CYRIB: variants seen among roughly 807,000 people sequenced by gnomAD.
CYRIB encodes the protein CYFIP-related Rac1 interactor B.
A neutral mutation model predicts 44.2 loss-of-function variants in CYRIB; 8 were observed. That is an observed-to-expected ratio of 0.18 (90% CI 0.11 to 0.33). CYRIB has a LOEUF of 0.33. Among genes scored for constraint, CYRIB ranks in the 10% least tolerant of loss-of-function variants. The probability of loss-of-function intolerance (pLI) is 1.00; values close to 1 mark genes in which losing one functional copy is unlikely to be tolerated. For synonymous variants in CYRIB, 131 were observed against 127.2 expected, an observed-to-expected ratio of 1.03 and a Z score of -0.20; for missense variants, 185 against 382.8, an observed-to-expected ratio of 0.48 and a Z score of 4.31.
intron 1 of CYRIB, among the ~76,000 whole-genome samples, chr8:129,914,555 T>C (rs2079723216): frequency 6.6e-6 from 1 of 152,212 alleles, no homozygotes; most frequent in Non-Finnish European, 1.5e-5. Flanking sequence ...CACTCCACAC[T>C]GTACAACAGG....
intron 2 of CYRIB, among the ~76,000 whole-genome samples, chr8:129,970,323 CACAG>C (rs1415670197): frequency 6.6e-6 from 1 of 151,930 alleles, no homozygotes; most frequent in African/African-American, 2.4e-5. Context: ...AGTGCACTGT[CACAG>C]ACAGAGGGCA....
At chr8:129,969,031 T>TTTTTTTTTTTGG (rs2095593481) in intron 2 of CYRIB, among the ~76,000 whole-genome samples, 1 of 148,130 alleles carries the variant, frequency 6.8e-6, no homozygotes, top group African/African-American at 2.5e-5. Flanking sequence ...TTTTTTTTTT[T>TTTTTTTTTTTGG]GAGGTGGATT....
At chr8:129,932,655 T>C (rs1345932715) in intron 1 of CYRIB, among the ~76,000 whole-genome samples, 1 of 152,186 alleles carries the variant, frequency 6.6e-6, no homozygotes, top group African/African-American at 2.4e-5. Context: ...CATGAAAATA[T>C]GGCAGGATAA....
intron 2 of CYRIB, chr8:129,880,268 T>C (rs2060422069): frequency 2.1e-6 from 1 of 481,648 alleles, no homozygotes; most frequent in Non-Finnish European, 2.7e-6. Context: ...TTTGTTTGAT[T>C]CCCATGTTTA....
At chr8:129,998,268 C>T (rs1179434322) in intron 1 of CYRIB, among the ~76,000 whole-genome samples, 1 of 152,168 alleles carries the variant, frequency 6.6e-6, no homozygotes, top group Admixed American at 6.5e-5. Flanking sequence ...CAGCTTCTCA[C>T]ACACTACGTC....
intron 2 of CYRIB, chr8:129,894,582 A>T (rs2066976632): frequency 1.3e-5 from 2 of 152,242 alleles, no homozygotes; most frequent in Non-Finnish European, 2.9e-5. Flanking sequence ...GTGAGAAGAC[A>T]GGAGGAAGAG....
At chr8:129,884,450 G>A (rs936826794) in intron 2 of CYRIB, among the ~76,000 whole-genome samples, 4 of 151,994 alleles carry the variant, frequency 2.6e-5, no homozygotes, top group East Asian at 1.9e-4. Context: ...CACCACGCCC[G>A]GCTAATTTTG....
chr8:129,852,100 C>A, intron 8 of CYRIB, 62 bp downstream of exon 10: 1 of 994,260 alleles, frequency 1.0e-6, no homozygotes, highest in South Asian at 1.9e-5. Flanking sequence ...GGCTTGCTGA[C>A]ATCACGTCTG....
At chr8:129,893,213 A>G (rs932978746) in intron 2 of CYRIB, among the ~76,000 whole-genome samples, 3 of 152,194 alleles carry the variant, frequency 2.0e-5, no homozygotes, top group Non-Finnish European at 4.4e-5. Context: ...AGCCTCAGAT[A>G]CTTCTATATA....
chr8:129,925,864 A>T (rs2087369442), intron 1 of CYRIB, among the ~76,000 whole-genome samples: 1 of 152,168 alleles, frequency 6.6e-6, no homozygotes, highest in South Asian at 2.1e-4. Context: ...CCCTCCAACA[A>T]AGACAGAGGA....
intron 1 of CYRIB, among the ~76,000 whole-genome samples, chr8:129,996,080 C>T (rs2096757938): frequency 6.6e-6 from 1 of 152,230 alleles, no homozygotes; most frequent in Admixed American, 6.5e-5. Context: ...ACCATTTGCA[C>T]TGCACACTCC....
At chr8:129,862,168 T>C in intron 5 of CYRIB, 61 bp downstream of exon 7, 1 of 1,258,552 alleles carries the variant, frequency 7.9e-7, no homozygotes, top group Non-Finnish European at 1.2e-6. Context: ...ACTCTAAACT[T>C]CTGGAATGAA....
intron 1 of CYRIB, among the ~76,000 whole-genome samples, chr8:129,932,059 C>T (rs1232193525): frequency 2.1e-5 from 3 of 140,700 alleles, no homozygotes; most frequent in Non-Finnish European, 3.0e-5. Flanking sequence ...AGTGCAGTGG[C>T]GCAATCTCGG....
At chr8:129,889,825 G>A (rs567004122) in intron 2 of CYRIB, among the ~76,000 whole-genome samples, 2 of 150,602 alleles carry the variant, frequency 1.3e-5, no homozygotes, top group African/African-American at 4.9e-5. Context: ...TTGAGACAGA[G>A]TTTCCACCTT....
At chr8:129,980,655 C>T (rs996235008) in intron 1 of CYRIB, among the ~76,000 whole-genome samples, 8 of 150,938 alleles carry the variant, frequency 5.3e-5, no homozygotes, top group African/African-American at 2.0e-4. Context: ...CGGAGTGAGA[C>T]TCTGTCTCAA....
chr8:129,994,239 C>T (rs1435958284), intron 1 of CYRIB, among the ~76,000 whole-genome samples: 2 of 151,920 alleles, frequency 1.3e-5, no homozygotes, highest in South Asian at 2.1e-4. Context: ...AGCCAAGGTA[C>T]GCCAAAGACT....
chr8:129,840,984 TTAAG>T (rs2036031569), exon 12 of CYRIB: 1 of 152,224 alleles, frequency 6.6e-6, no homozygotes, highest in Admixed American at 6.5e-5. Flanking sequence ...TAGACAACCT[TTAAG>T]TAGTTTGTTC....
intron 1 of CYRIB, among the ~76,000 whole-genome samples, chr8:129,993,247 G>T (rs1295558133): frequency 6.6e-6 from 1 of 151,998 alleles, no homozygotes; most frequent in Non-Finnish European, 1.5e-5. Context: ...AAAAAAATTA[G>T]CTAGGTGTGG....
At chr8:129,974,019 T>C (rs1360716677) in intron 1 of CYRIB, among the ~76,000 whole-genome samples, 1 of 152,100 alleles carries the variant, frequency 6.6e-6, no homozygotes, top group Non-Finnish European at 1.5e-5. Flanking sequence ...ATGCCTGATG[T>C]CTAGTAGATC....
Sources: gnomAD v4.1 joint callset for allele counts (sites outside exome capture counted in the v4.1 genomes callset) on GRCh38, gnomAD v4.1.1 for gene constraint, MANE v1.5 for transcripts, NCBI Gene and HGNC (gene_info 2026-07-23, HGNC 2026-07-21) for gene names.